Variants in ABCC10 observed in about 807,000 individuals in gnomAD.
ABCC10 encodes the protein ATP-binding cassette sub-family C member 10.
ABCC10 carries 110 observed loss-of-function variants against 143.2 expected under a neutral mutation model. The ratio of observed to expected loss-of-function variants is 0.77; its 90% confidence interval spans 0.66 to 0.90. The LOEUF (loss-of-function observed/expected upper bound fraction) is 0.90. Among genes scored for constraint, ABCC10 ranks in the 40% least tolerant of loss-of-function variants. ABCC10 has a pLI of 0.00. For synonymous variants in ABCC10, 805 were observed against 846.7 expected (o/e 0.95, Z 0.85); for missense variants, 1,700 against 1,900.5 (o/e 0.89, Z 1.96).
At position 43,428,000 on chromosome 6, in the gene ABCC10, C is replaced by A; in HGVS notation, c.22C>A (p.Leu8Met). The change falls in exon 2 of 22, where the codon CTG becomes ATG. Residue 8 changes from leucine (L) to methionine (M), a missense_variant. Leu to Met is a conservative substitution (Grantham distance 15). Coordinates refer to ENST00000372530, the MANE Select transcript of ABCC10 (RefSeq NM_001198934.2). MERLLAQ[L>M]CGSSAAWPLP... is the part of the protein sequence containing the mutation. ...GTCCATGGAACGACTTCTGGCCCAG[C>A]TGTGCGGCAGCAGCGCAGCGTGGCC... The A allele has an allele frequency of 6.2e-7, 1 of 1,611,538 alleles. No homozygotes were observed. The highest frequency in any genetic ancestry group is 1.1e-5 in the South Asian group (1 of 90,800).
rs148989774 is a variant in ABCC10 at position 43,435,867 on chromosome 6, C to T, written c.1725C>T (p.Leu575=). ...CCTTGGACCGGATCCAGCTTTTCCT[C>T]GACCTTCCAAACCACAACCCCCAGG... ...KVSLDRIQLF[L]DLPNHNPQAY... Residue 575 remains leucine (L), a synonymous_variant, in exon 5 of 22, where the codon CTC becomes CTT. Coordinates refer to ENST00000372530, the MANE Select transcript of ABCC10 (RefSeq NM_001198934.2). The T allele has an allele frequency of 2.6e-5, 42 of 1,614,072 alleles. No homozygotes were observed. Among genetic ancestry groups the T allele is most frequent in the Admixed American group, 2.0e-4 (12 of 60,000 alleles).
At chr6:43,436,780 C>G (rs971149590) in intron 6 of ABCC10, among the ~76,000 whole-genome samples, 1 of 152,214 alleles carries the variant, frequency 6.6e-6, no homozygotes, top group African/African-American at 2.4e-5. Context: ...TTTGTCCAAC[C>G]CTGTGCCCCA....
At position 43,428,149 on chromosome 6, in the gene ABCC10, G is replaced by A. The variant is rs1396288284; in HGVS notation, c.161+10G>A. The stretch of plus-strand genomic sequence containing the variant: ...ACTTGGGCACCCCGAGGTGGGTAGA[G>A]ACGGGCGCAAGGCATCTGTCCATGT... On this transcript the variant is annotated intron_variant, in intron 2 of 21. Transcript: ENST00000372530. 5.3e-6 allele frequency: 8 copies of A among 1,521,626 alleles called. No homozygotes were observed. The highest frequency in any genetic ancestry group is 1.9e-4 in the Middle Eastern group (1 of 5,194). 94.3% of individuals were successfully genotyped at this position (1,521,626 alleles called of 1,614,324 possible). A position where few individuals can be genotyped will look rare whatever the true frequency, so the allele number is the denominator to read the frequency against.
At chr6:43,434,303 C>T (rs1310511304) in intron 3 of ABCC10, among the ~76,000 whole-genome samples, 1 of 152,238 alleles carries the variant, frequency 6.6e-6, no homozygotes, top group Non-Finnish European at 1.5e-5. Flanking sequence ...AGAGCTTTTA[C>T]TCCACTGTGG....
In ABCC10 at chr6:43,427,675, A is replaced by C; in HGVS notation, c.-94A>C. On this transcript the variant is annotated 5_prime_UTR_variant, in exon 1 of 22. Coordinates refer to ENST00000372530, the MANE Select transcript of ABCC10 (RefSeq NM_001198934.2). ...ATACACCAGTTCTCAGGATATCGGA[A>C]TCCGGTGCACAGCAGCTTCTTCAGG... is the stretch of plus-strand genomic sequence containing the variant. 2.0e-6 allele frequency: 1 copy of C among 499,986 alleles called. No individual in the cohort carries two copies. The highest frequency in any genetic ancestry group is 3.7e-6 in the Non-Finnish European group (1 of 273,092). 31.0% of individuals were successfully genotyped at this position (499,986 alleles called of 1,614,324 possible).
intron 20 of ABCC10, 48 bp downstream of exon 20, chr6:43,449,252 G>C (rs752997666): frequency 6.3e-7 from 1 of 1,599,648 alleles, no homozygotes; most frequent in Non-Finnish European, 8.5e-7. Flanking sequence ...AGAAGGCTGG[G>C]GGCCGGGAGG....
chr6:43,435,654 C>A, intron 4 of ABCC10, 97 bp from the exon 5 acceptor site: 1 of 1,413,246 alleles, frequency 7.1e-7, no homozygotes, highest in Non-Finnish European at 9.5e-7. Context: ...TCTGTCATTG[C>A]CCAGTTCTTC....
chr6:43,433,286 G>T lies in ABCC10; in HGVS notation c.1306G>T (p.Val436Phe). 4 of 1,614,154 alleles carry T rather than the reference G, an allele frequency of 2.5e-6. No individual in the cohort carries two copies. The highest frequency in any genetic ancestry group is 3.4e-6 in the Non-Finnish European group (4 of 1,180,000). Residue 436 changes from valine (V) to phenylalanine (F), a missense_variant, in exon 3 of 22, where the codon GTC (valine) becomes TTC (phenylalanine). Physicochemically the swap from Val to Phe is conservative, Grantham distance 50. Transcript: ENST00000372530. Reference sequence around the variant, plus strand: ...CATCTTGGCACTGCTGCTGGTACCCGTCAACAAAGTGATTGCCACCCGCAT... The same window carrying T: ...CATCTTGGCACTGCTGCTGGTACCCTTCAACAAAGTGATTGCCACCCGCAT... ...GLILALLLVP[V>F]NKVIATRIMA... is the part of the protein sequence containing the mutation.
At chr6:43,439,961 T>G (rs1357850441) in intron 8 of ABCC10, among the ~76,000 whole-genome samples, 1 of 151,764 alleles carries the variant, frequency 6.6e-6, no homozygotes, top group Non-Finnish European at 1.5e-5. Flanking sequence ...AGGTTTTTAC[T>G]TTTTCGTGTG....
rs745844891 is a variant in ABCC10 at position 43,435,851 on chromosome 6, G to A, written c.1709G>A (p.Arg570Gln). Residue 570 changes from arginine to glutamine, a missense_variant, in exon 5 of 22, where the codon CGG (arginine) becomes CAG (glutamine). By Grantham distance (43) the Arg-to-Gln change is conservative. Coordinates refer to ENST00000372530, the MANE Select transcript of ABCC10 (RefSeq NM_001198934.2). ...CTGGAGGCCAAAGTGTCCTTGGACC[G>A]GATCCAGCTTTTCCTCGACCTTCCA... ...GLLEAKVSLD[R>Q]IQLFLDLPNH... The A allele has an allele frequency of 1.7e-5, 28 of 1,614,052 alleles. No individual in the cohort carries two copies. Among genetic ancestry groups the A allele is most frequent in the East Asian group, 2.2e-5 (1 of 44,894 alleles).
At chr6:43,446,517 C>T (rs1205973924) in intron 16 of ABCC10, 71 bp downstream of exon 16, 4 of 1,513,198 alleles carry the variant, frequency 2.6e-6, no homozygotes, top group Admixed American at 2.1e-5. Context: ...TCTCTCCCTG[C>T]ACCATCCCCC....
intron 15 of ABCC10, 102 bp downstream of exon 15, chr6:43,446,044 G>T (rs1783034179): frequency 2.3e-6 from 3 of 1,325,692 alleles, no homozygotes; most frequent in Non-Finnish European, 2.0e-6. Flanking sequence ...CAGCCCTCCT[G>T]GGGACAAGGG....
At chr6:43,435,013 T>C in intron 4 of ABCC10, 165 bp downstream of exon 4, 1 of 661,824 alleles carries the variant, frequency 1.5e-6, no homozygotes, top group South Asian at 1.9e-5. Context: ...GCCTTGGATA[T>C]ATAACCCTCC....
chr6:43,439,678 G>C (rs1344445548), intron 8 of ABCC10, among the ~76,000 whole-genome samples: 1 of 152,174 alleles, frequency 6.6e-6, no homozygotes, highest in Non-Finnish European at 1.5e-5. Flanking sequence ...CCGCCTCCTG[G>C]ATTCAAGCGA....
rs760016429 is a variant in ABCC10, at chr6:43,444,902, C to T, written c.2804C>T (p.Ser935Phe). 12 of 1,613,806 alleles carry T rather than the reference C, an allele frequency of 7.4e-6. No homozygotes were observed. Among genetic ancestry groups the T allele is most frequent in the Non-Finnish European group, 1.0e-5 (12 of 1,179,916 alleles). The change falls in exon 13 of 22, where the codon TCT (serine) becomes TTT (phenylalanine). Residue 935 changes from serine to phenylalanine, a missense_variant. Transcript: ENST00000372530. Reference sequence around the variant, plus strand: ...AGCCCAGCTTCTATGGGGCTCTTCTCTCCGCAGCTGCTCCTCTTTTCCCCT... The same window carrying T: ...AGCCCAGCTTCTATGGGGCTCTTCTTTCCGCAGCTGCTCCTCTTTTCCCCT... ...STSPASMGLF[S>F]PQLLLFSPGN... is the part of the protein sequence containing the mutation.
In ABCC10 at chr6:43,435,781, C is replaced by T. The variant is rs537161302; in HGVS notation, c.1639C>T (p.Leu547Phe). 6.2e-7 allele frequency: 1 copy of T among 1,614,112 alleles called. No homozygotes were observed. The highest frequency in any genetic ancestry group is 8.5e-7 in the Non-Finnish European group (1 of 1,179,938). The change falls in exon 5 of 22, where the codon CTC becomes TTC. Residue 547 changes from leucine to phenylalanine, a missense_variant. Transcript: ENST00000372530. ...CACGGCCCTGGCACTGGTGCGAATG[C>T]TCATTCTTCCTCTCAACAACTTCCC... ...VFTALALVRM[L>F]ILPLNNFPWV...
In ABCC10 at chr6:43,443,997, A is replaced by G; in HGVS notation, c.2481A>G (p.Gln827=). 6.2e-7 allele frequency: 1 copy of G among 1,614,132 alleles called. No individual in the cohort carries two copies. The highest frequency in any genetic ancestry group is 8.5e-7 in the Non-Finnish European group (1 of 1,179,934). Reference sequence around the variant, plus strand: ...CCAAAGCCTGGGCTGAGAATGGACAAGAGTCTGACTCAGGTATGGCTCCCC... The same window carrying G: ...CCAAAGCCTGGGCTGAGAATGGACAGGAGTCTGACTCAGGTATGGCTCCCC... The part of the protein sequence containing the change: ...AVPKAWAENG[Q]ESDSATAQSV... The change falls in exon 11 of 22, where the codon CAA becomes CAG. Residue 827 remains glutamine, a synonymous_variant. Transcript: ENST00000372530. The surrounding 1 kb of genome is among the most constrained non-coding windows in gnomAD (Gnocchi z 4.2).
At chr6:43,430,477 C>T (rs1186924691) in intron 2 of ABCC10, among the ~76,000 whole-genome samples, 1 of 151,946 alleles carries the variant, frequency 6.6e-6, no homozygotes, top group African/African-American at 2.4e-5. Flanking sequence ...TAAGAAAACC[C>T]CCAGCTACTC....
At chr6:43,446,091 G>T in intron 15 of ABCC10, 149 bp downstream of exon 15, 1 of 1,180,426 alleles carries the variant, frequency 8.5e-7, no homozygotes, top group East Asian at 2.5e-5. Flanking sequence ...AAGGAGATAG[G>T]GAGGCAGAGT....
Sources: gnomAD v4.1 joint callset for allele counts (sites outside exome capture counted in the v4.1 genomes callset) on GRCh38, gnomAD v4.1.1 for gene constraint, Gnocchi (gnomAD v3.1) non-coding constraint, MANE v1.5 for transcripts, NCBI Gene and HGNC (gene_info 2026-07-23, HGNC 2026-07-21) for gene names.